Variants in EPB41L2 observed in about 807,000 individuals in gnomAD.
The protein encoded by EPB41L2 is band 4.1-like protein 2.
EPB41L2 carries 43 observed loss-of-function variants against 113.0 expected under a neutral mutation model. That is an observed-to-expected ratio of 0.38 (90% CI 0.30 to 0.49). EPB41L2 has a LOEUF of 0.49. Ranked by LOEUF, EPB41L2 falls within the 20% of genes least tolerant of loss-of-function variation. EPB41L2 has a pLI of 0.95. For synonymous variants in EPB41L2, 442 were observed against 436.7 expected (o/e 1.01, Z -0.15); for missense variants, 1,147 against 1,223.4 (o/e 0.94, Z 0.93).
intron 1 of EPB41L2, among the ~76,000 whole-genome samples, chr6:130,995,209 G>A (rs141384460): frequency 0.022 from 3,405 of 152,192 alleles, 126 homozygotes; most frequent in African/African-American, 0.078. Context: ...GGTGATGGGC[G>A]CCTGTAGTCC....
At chr6:130,917,434 T>C (rs1801467570) in intron 4 of EPB41L2, among the ~76,000 whole-genome samples, 2 of 152,306 alleles carry the variant, frequency 1.3e-5, no homozygotes, top group Admixed American at 6.5e-5. Flanking sequence ...CCTTGATATC[T>C]GATGGGGTTC....
At chr6:131,025,435 G>A (rs1054100902) in intron 1 of EPB41L2, among the ~76,000 whole-genome samples, 10 of 152,128 alleles carry the variant, frequency 6.6e-5, no homozygotes, top group African/African-American at 1.4e-4. Flanking sequence ...ATCAGACAGC[G>A]ATTATTTCAT....
chr6:130,867,977 C>A (rs781039744), intron 15 of EPB41L2: 15 of 84,860 alleles, frequency 1.8e-4, no homozygotes, highest in Non-Finnish European at 3.6e-4. Context: ...CACACACTCT[C>A]TCTCTCTCTC....
intron 12 of EPB41L2, among the ~76,000 whole-genome samples, chr6:130,884,446 G>A (rs1790286791): frequency 6.6e-6 from 1 of 152,168 alleles, no homozygotes; most frequent in African/African-American, 2.4e-5. Flanking sequence ...GTCGCTTTGT[G>A]CAGACACAGA....
intron 1 of EPB41L2, among the ~76,000 whole-genome samples, chr6:131,058,664 A>G (rs1798062958): frequency 6.6e-6 from 1 of 152,190 alleles, no homozygotes; most frequent in Non-Finnish European, 1.5e-5. Flanking sequence ...CCTCTCTCAT[A>G]TGAAATACAC....
chr6:130,892,376 C>T (rs1793175531), intron 10 of EPB41L2, among the ~76,000 whole-genome samples: 1 of 137,636 alleles, frequency 7.3e-6, no homozygotes, highest in Admixed American at 7.8e-5. Context: ...TGAATGCTAG[C>T]ACTTGCCATT....
chr6:130,924,574 G>GT (rs1399263315), intron 4 of EPB41L2, among the ~76,000 whole-genome samples: 1 of 151,880 alleles, frequency 6.6e-6, no homozygotes, highest in Non-Finnish European at 1.5e-5. Flanking sequence ...TAGAGACGGG[G>GT]TTTCACCATG....
chr6:130,867,650 C>A, intron 15 of EPB41L2, 69 bp from the exon 16 acceptor site: 1 of 1,558,956 alleles, frequency 6.4e-7, no homozygotes, highest in African/African-American at 1.4e-5. Flanking sequence ...ATGGAACCTT[C>A]ACAAATAATA....
chr6:131,011,280 A>C (rs1291540687), intron 1 of EPB41L2, among the ~76,000 whole-genome samples: 1 of 152,250 alleles, frequency 6.6e-6, no homozygotes, highest in Admixed American at 6.5e-5. Context: ...GGAGGGAAGA[A>C]AGGAGGTACA....
At chr6:130,920,370 T>C (rs1802483109) in intron 4 of EPB41L2, among the ~76,000 whole-genome samples, 1 of 152,224 alleles carries the variant, frequency 6.6e-6, no homozygotes, top group South Asian at 2.1e-4. Context: ...AAACATTTCA[T>C]CATCATGAAA....
intron 1 of EPB41L2, among the ~76,000 whole-genome samples, chr6:131,060,391 T>C (rs759371724): frequency 1.3e-5 from 2 of 152,244 alleles, no homozygotes; most frequent in Non-Finnish European, 2.9e-5. Flanking sequence ...ATTGTACCAA[T>C]AAATATTTTG....
chr6:131,035,629 A>T (rs1042703317), intron 1 of EPB41L2, among the ~76,000 whole-genome samples: 8 of 152,216 alleles, frequency 5.3e-5, no homozygotes, highest in African/African-American at 1.9e-4. Context: ...CTTTCTGTGT[A>T]AAAGATTACA....
intron 4 of EPB41L2, among the ~76,000 whole-genome samples, chr6:130,914,434 C>T (rs890991555): frequency 2.6e-5 from 4 of 152,088 alleles, no homozygotes; most frequent in South Asian, 2.1e-4. Context: ...TATTCACAGG[C>T]GAGATGACAT....
intron 8 of EPB41L2, among the ~76,000 whole-genome samples, chr6:130,898,873 T>C (rs1407922293): frequency 6.6e-6 from 1 of 152,166 alleles, no homozygotes; most frequent in African/African-American, 2.4e-5. Context: ...TTTGATCTTT[T>C]GGGATTACGG....
intron 1 of EPB41L2, chr6:130,970,338 G>A (rs1355162240): frequency 1.3e-5 from 2 of 152,180 alleles, no homozygotes; most frequent in Admixed American, 6.5e-5. Context: ...TTGGAAAACT[G>A]TGGAAAGCTG....
Position 130,908,874 on chromosome 6 carries a change from G to GA in EPB41L2, c.811-12dup, listed in dbSNP as rs752783311. 42 of 1,589,530 alleles carry GA rather than the reference G, an allele frequency of 2.6e-5. 1 individual carries two copies. In the East Asian group the frequency reaches 9.2e-4, roughly 35 times the overall value. On this transcript the variant is annotated splice_polypyrimidine_tract_variant and intron_variant, in intron 4 of 19. Transcript: ENST00000337057. ...AGGATCTAACCAGTTCTGCATGAGG[G>GA]AAAAAAATTAATTCATAAGAAATAT...
intron 1 of EPB41L2, among the ~76,000 whole-genome samples, chr6:130,962,603 C>T (rs1464834803): frequency 1.3e-5 from 2 of 152,116 alleles, no homozygotes; most frequent in African/African-American, 4.8e-5. Flanking sequence ...GATAAGGGAC[C>T]TATTAGACAG....
In EPB41L2 at chr6:130,840,484, A is replaced by G. The variant is rs574480318; in HGVS notation, c.*120T>C. Reference sequence around the variant, plus strand: ...ATTTTAATTCTTCAGGCTTCTGGTCATTGTTACCAGTTGTAGCATAAATTC... The same window carrying G: ...ATTTTAATTCTTCAGGCTTCTGGTCGTTGTTACCAGTTGTAGCATAAATTC... On this transcript the variant is annotated 3_prime_UTR_variant, in exon 20 of 20. Transcript: ENST00000337057. 6.6e-6 allele frequency: 1 copy of G among 152,236 alleles called. No homozygotes were observed. Among genetic ancestry groups the G allele is most frequent in the South Asian group, 2.1e-4 (1 of 4,818 alleles). 9.4% of individuals were successfully genotyped at this position (152,236 alleles called of 1,614,324 possible).
chr6:130,878,162 G>A lies in EPB41L2; in HGVS notation c.1985C>T (p.Pro662Leu), dbSNP rs747931030. 1.5e-5 allele frequency: 25 copies of A among 1,613,356 alleles called. No individual in the cohort carries two copies. The highest frequency in any genetic ancestry group is 1.3e-4 in the Admixed American group (8 of 59,886). The change falls in exon 14 of 20, where the codon CCG (proline) becomes CTG (leucine). Residue 662 changes from proline (P) to leucine (L), a missense_variant. By Grantham distance (98) the Pro-to-Leu change is moderately conservative. Transcript: ENST00000337057. ...KRNFMESTPE[P>L]RPNEWEKRRI... is the part of the protein sequence containing the mutation. ...TCGTTTTTCCCATTCATTAGGGCGCGGCTCAGGTGTGGATTCCATAAAATT... is the reference window on the plus strand; with the variant it reads ...TCGTTTTTCCCATTCATTAGGGCGCAGCTCAGGTGTGGATTCCATAAAATT...
Sources: gnomAD v4.1 joint callset for allele counts (sites outside exome capture counted in the v4.1 genomes callset) on GRCh38, gnomAD v4.1.1 for gene constraint, MANE v1.5 for transcripts, NCBI Gene and HGNC (gene_info 2026-07-23, HGNC 2026-07-21) for gene names.